Variants in ADAMTSL1 observed in about 807,000 individuals in gnomAD.
ADAMTSL1 encodes ADAMTS-like protein 1.
ADAMTSL1 carries 126 observed loss-of-function variants against 201.8 expected under a neutral mutation model. The observed-to-expected ratio is 0.62, with a 90% CI of 0.54 to 0.72. The LOEUF (loss-of-function observed/expected upper bound fraction) is 0.72, where lower values mean the gene tolerates loss of function less well. Ranked by LOEUF, ADAMTSL1 falls within the 30% of genes least tolerant of loss-of-function variation. ADAMTSL1 has a pLI of 0.00. For synonymous variants in ADAMTSL1, 1,121 were observed against 903.4 expected (o/e 1.24, Z -4.32); for missense variants, 2,679 against 2,277.8 (o/e 1.18, Z -3.59).
chr9:18,334,288 G>A (rs1206301219), intron 2 of ADAMTSL1, among the ~76,000 whole-genome samples: 1 of 152,132 alleles, frequency 6.6e-6, no homozygotes, highest in Admixed American at 6.6e-5. Flanking sequence ...TAGGCTCTAT[G>A]TAAGCTTTTG....
intron 4 of ADAMTSL1, among the ~76,000 whole-genome samples, chr9:18,596,960 G>A (rs1824302438): frequency 6.6e-6 from 1 of 152,230 alleles, no homozygotes; most frequent in East Asian, 1.9e-4. Flanking sequence ...TCTTCTCTTA[G>A]CACCTGTTTC....
chr9:18,143,974 C>A (rs118122977), intron 1 of ADAMTSL1, among the ~76,000 whole-genome samples: 6,788 of 152,116 alleles, frequency 0.045, 210 homozygotes, highest in Non-Finnish European at 0.069. Flanking sequence ...CTGGTGGGAA[C>A]GTTTAACAAC....
chr9:18,665,116 G>A (rs1264180009), intron 9 of ADAMTSL1, among the ~76,000 whole-genome samples: 1 of 151,870 alleles, frequency 6.6e-6, no homozygotes, highest in African/African-American at 2.4e-5. Context: ...AGATTGCAAG[G>A]TAAGCTGTAA....
chr9:18,717,935 C>G, intron 14 of ADAMTSL1: 1 of 1,326,648 alleles, frequency 7.5e-7, no homozygotes, highest in Middle Eastern at 2.0e-4. Context: ...GACAACAGTT[C>G]TTCAGAGCTG....
chr9:18,010,989 A>G (rs923598050), intron 1 of ADAMTSL1, among the ~76,000 whole-genome samples: 9 of 151,908 alleles, frequency 5.9e-5, no homozygotes, highest in Non-Finnish European at 1.2e-4. Context: ...TCATTAGGCA[A>G]TCAGTTTCTG....
intron 1 of ADAMTSL1, among the ~76,000 whole-genome samples, chr9:18,491,876 G>A (rs181037618): frequency 4.5e-4 from 68 of 152,192 alleles, no homozygotes; most frequent in Admixed American, 3.3e-3. Context: ...ATAGTGGCCC[G>A]ATAAGGACAG....
chr9:18,295,821 T>A (rs565964773), intron 2 of ADAMTSL1, among the ~76,000 whole-genome samples: 3 of 152,214 alleles, frequency 2.0e-5, no homozygotes, highest in Non-Finnish European at 4.4e-5. Flanking sequence ...TTTTACACAA[T>A]ATAATTAAGT....
intron 1 of ADAMTSL1, among the ~76,000 whole-genome samples, chr9:18,496,629 T>C (rs1253201802): frequency 6.6e-6 from 1 of 152,170 alleles, no homozygotes; most frequent in Non-Finnish European, 1.5e-5. Flanking sequence ...ATAATTTGGG[T>C]TTTTTTGCCC....
chr9:18,003,432 C>T (rs1181226104), intron 1 of ADAMTSL1, among the ~76,000 whole-genome samples: 3 of 152,098 alleles, frequency 2.0e-5, no homozygotes, highest in Non-Finnish European at 1.5e-5. Context: ...AAAGGAATCT[C>T]TCCCGGCCAG....
intron 26 of ADAMTSL1, chr9:18,905,533 T>A: frequency 2.0e-6 from 1 of 503,470 alleles, no homozygotes; most frequent in Non-Finnish European, 3.6e-6. Context: ...TGACGTTCTC[T>A]TACTGGTTCT....
intron 2 of ADAMTSL1, among the ~76,000 whole-genome samples, chr9:18,288,488 A>G (rs973699511): frequency 6.6e-5 from 10 of 152,168 alleles, no homozygotes; most frequent in Non-Finnish European, 1.3e-4. Context: ...TAGGTTTCTT[A>G]ATATTGTATA....
chr9:17,938,838 A>T (rs1827115512), intron 1 of ADAMTSL1, among the ~76,000 whole-genome samples: 1 of 152,102 alleles, frequency 6.6e-6, no homozygotes, highest in African/African-American at 2.4e-5. Context: ...GTGTTTCCTG[A>T]CTTTCCATGG....
intron 2 of ADAMTSL1, among the ~76,000 whole-genome samples, chr9:18,420,428 G>T (rs931883906): frequency 1.3e-5 from 2 of 152,190 alleles, no homozygotes; most frequent in African/African-American, 4.8e-5. Context: ...ACTCTTGGAT[G>T]CTAACCTGGC....
rs1349245514 is a variant in ADAMTSL1 at position 18,777,091 on chromosome 9, G to A, written c.2862G>A (p.Glu954=). Reference sequence around the variant, plus strand: ...CCTGCTCAGCGGGCCCGGCCCGGGAGCACTTTGTGATTAAGCTCATCGGAG... The same window carrying A: ...CCTGCTCAGCGGGCCCGGCCCGGGAACACTTTGTGATTAAGCTCATCGGAG... ...VYTCSAGPAR[E]HFVIKLIGGN... is the part of the protein sequence containing the mutation. Residue 954 remains glutamate (E), a synonymous_variant, in exon 19 of 29, where the codon GAG becomes GAA. Transcript: ENST00000380548. 2 of 1,613,166 alleles carry A rather than the reference G, an allele frequency of 1.2e-6. No homozygotes were observed. Among genetic ancestry groups the A allele is most frequent in the African/African-American group, 2.7e-5 (2 of 74,944 alleles).
At chr9:18,260,339 C>G (rs966801269) in intron 2 of ADAMTSL1, among the ~76,000 whole-genome samples, 2 of 152,236 alleles carry the variant, frequency 1.3e-5, no homozygotes, top group African/African-American at 2.4e-5. Flanking sequence ...GTTTGTACAG[C>G]AAAATATTTT....
chr9:18,251,333 G>A (rs1378172000), intron 2 of ADAMTSL1, among the ~76,000 whole-genome samples: 4 of 152,006 alleles, frequency 2.6e-5, no homozygotes, highest in African/African-American at 7.2e-5. Context: ...TTCTGAAGAC[G>A]GTGTTGAGTT....
chr9:18,149,991 A>G (rs1379979356), intron 1 of ADAMTSL1, among the ~76,000 whole-genome samples: 3 of 152,096 alleles, frequency 2.0e-5, no homozygotes, highest in Admixed American at 6.6e-5. Flanking sequence ...AGTTTGTAGA[A>G]GCAAGAACAC....
chr9:18,197,550 A>G (rs1428370899), intron 2 of ADAMTSL1, among the ~76,000 whole-genome samples: 1 of 140,548 alleles, frequency 7.1e-6, no homozygotes, highest in Non-Finnish European at 1.5e-5. Context: ...ACTTTGCTGA[A>G]GTTGCTTATC....
intron 1 of ADAMTSL1, among the ~76,000 whole-genome samples, chr9:18,114,580 T>G (rs1005676112): frequency 5.3e-5 from 8 of 152,162 alleles, no homozygotes; most frequent in African/African-American, 1.9e-4. Context: ...TCAAAATTGT[T>G]ATTTTTGAGA....
Sources: allele counts gnomAD v4.1 joint callset (sites outside exome capture counted in the v4.1 genomes callset), GRCh38; gene constraint gnomAD v4.1.1; transcripts MANE v1.5; gene names NCBI Gene and HGNC (gene_info 2026-07-23, HGNC 2026-07-21).